CDH4: variants seen among roughly 807,000 people sequenced by gnomAD.
The protein encoded by CDH4 is cadherin-4.
In CDH4, 33 loss-of-function variants were observed where a neutral mutation model predicts 86.0. The ratio of observed to expected loss-of-function variants is 0.38; its 90% confidence interval spans 0.29 to 0.51. The LOEUF (loss-of-function observed/expected upper bound fraction) is 0.51, where lower values mean the gene tolerates loss of function less well. Ranked by LOEUF, CDH4 falls within the 20% of genes least tolerant of loss-of-function variation. CDH4 has a pLI of 0.86. For missense variants in CDH4, 1,114 were observed against 1,307.4 expected (o/e 0.85, Z 2.28); for synonymous variants, 555 against 549.4 (o/e 1.01, Z -0.14).
chr20:61,447,624 C>CTTTTTTTTTTTTTTTTT (rs11204461), intron 2 of CDH4, among the ~76,000 whole-genome samples: 1 of 102,034 alleles, frequency 9.8e-6, no homozygotes. Context: ...ATTCTACTTC[C>CTTTTTTTTTTTTTTTTT]TTTTTTTTTT....
At chr20:61,565,149 G>T (rs2086261861) in intron 2 of CDH4, among the ~76,000 whole-genome samples, 3 of 125,722 alleles carry the variant, frequency 2.4e-5, no homozygotes, top group Non-Finnish European at 4.9e-5. Flanking sequence ...CTTGGTGTTG[G>T]TAGTGGTCCT....
chr20:61,586,316 A>G (rs1378177044), intron 2 of CDH4, among the ~76,000 whole-genome samples: 2 of 152,194 alleles, frequency 1.3e-5, no homozygotes, highest in South Asian at 2.1e-4. Context: ...AACAGTGACA[A>G]CTGCACCTAA....
chr20:61,752,509 A>G (rs963299519), intron 3 of CDH4, among the ~76,000 whole-genome samples: 8 of 152,180 alleles, frequency 5.3e-5, no homozygotes, highest in Non-Finnish European at 1.0e-4. Flanking sequence ...AAATATACAT[A>G]TGCCTCGTTT....
At chr20:61,748,412 A>G (rs889135688) in intron 3 of CDH4, among the ~76,000 whole-genome samples, 1 of 152,206 alleles carries the variant, frequency 6.6e-6, no homozygotes, top group East Asian at 1.9e-4. Context: ...TAAAAGTGCT[A>G]AAAGAAAATA....
At chr20:61,718,931 G>T (rs1371372342) in intron 2 of CDH4, 2 of 470,998 alleles carry the variant, frequency 4.2e-6, no homozygotes, top group South Asian at 1.5e-5. Context: ...CAGGGTGTTG[G>T]TTAGTGGGTG....
chr20:61,541,251 G>A (rs1304045988), intron 2 of CDH4, among the ~76,000 whole-genome samples: 3 of 152,154 alleles, frequency 2.0e-5, no homozygotes, highest in African/African-American at 7.2e-5. Flanking sequence ...CACTGTGCAC[G>A]TGCATTAACG....
chr20:61,687,805 A>G (rs16985448), intron 2 of CDH4, among the ~76,000 whole-genome samples: 28,047 of 152,124 alleles, frequency 0.18, 3,097 homozygotes, highest in East Asian at 0.4. Context: ...GCGGACTACA[A>G]TTACAATGTG....
In CDH4 at chr20:61,500,123, G is replaced by A. The variant is rs543759876; in HGVS notation, c.170-243440G>A. On this transcript the variant is annotated intron_variant, in intron 2 of 15. Transcript: ENST00000614565. ...TCAGCCAGGAGGAGGAGGCCCAGCCGAATGGAGCAGGGCGTCCCCTGGCCT... is the reference window on the plus strand; with the variant it reads ...TCAGCCAGGAGGAGGAGGCCCAGCCAAATGGAGCAGGGCGTCCCCTGGCCT... Among the ~76,000 whole-genome samples, 7 of 152,354 alleles carry A rather than the reference G, an allele frequency of 4.6e-5. No individual in the cohort carries two copies. The South Asian group carries it at 6.2e-4, about 14-fold the overall frequency.
intron 2 of CDH4, among the ~76,000 whole-genome samples, chr20:61,742,307 A>T (rs1323445304): frequency 6.6e-6 from 1 of 152,174 alleles, no homozygotes; most frequent in Non-Finnish European, 1.5e-5. Flanking sequence ...CATCACATTT[A>T]AAAACATTTT....
intron 4 of CDH4, among the ~76,000 whole-genome samples, chr20:61,803,868 C>T (rs933806839): frequency 2.6e-5 from 4 of 152,252 alleles, no homozygotes; most frequent in South Asian, 2.1e-4. Flanking sequence ...ACAGGAGAAA[C>T]GAGAACAGGC....
intron 2 of CDH4, among the ~76,000 whole-genome samples, chr20:61,638,469 G>A (rs2086971726): frequency 6.6e-6 from 1 of 152,152 alleles, no homozygotes; most frequent in African/African-American, 2.4e-5. Flanking sequence ...CAGAAGAGCA[G>A]GAAGTGTTTT....
At chr20:61,826,201 T>G (rs1034613545) in intron 4 of CDH4, among the ~76,000 whole-genome samples, 3 of 152,210 alleles carry the variant, frequency 2.0e-5, no homozygotes, top group African/African-American at 7.2e-5. Flanking sequence ...AGAGTCCCTG[T>G]GAGGTCTCCC....
intron 2 of CDH4, among the ~76,000 whole-genome samples, chr20:61,345,497 G>A (rs954953895): frequency 2.6e-5 from 4 of 152,242 alleles, no homozygotes; most frequent in African/African-American, 9.6e-5. Context: ...AAAGAAGTCC[G>A]TGAGGACAAG....
intron 2 of CDH4, among the ~76,000 whole-genome samples, chr20:61,267,747 C>T (rs1461857796): frequency 6.6e-6 from 1 of 152,098 alleles, no homozygotes; most frequent in Non-Finnish European, 1.5e-5. Context: ...AGGCACACTC[C>T]CTCTGCTGAT....
At chr20:61,908,049 G>A (rs988391850) in intron 8 of CDH4, among the ~76,000 whole-genome samples, 6 of 152,190 alleles carry the variant, frequency 3.9e-5, no homozygotes, top group East Asian at 1.9e-4. Flanking sequence ...GAGCTGGGCC[G>A]GGCTGCGGGG....
intron 2 of CDH4, among the ~76,000 whole-genome samples, chr20:61,735,208 G>T (rs1246364701): frequency 6.6e-6 from 1 of 152,174 alleles, no homozygotes; most frequent in Non-Finnish European, 1.5e-5. Context: ...GGCCCCGTGG[G>T]CACAGAGCTC....
intron 2 of CDH4, among the ~76,000 whole-genome samples, chr20:61,524,301 G>A (rs1453113340): frequency 6.6e-6 from 1 of 152,098 alleles, no homozygotes; most frequent in East Asian, 1.9e-4. Flanking sequence ...GTGAAAACCC[G>A]GGGAAAGCTG....
At chr20:61,597,547 G>A (rs1043683371) in intron 2 of CDH4, among the ~76,000 whole-genome samples, 11 of 152,212 alleles carry the variant, frequency 7.2e-5, no homozygotes, top group East Asian at 1.9e-4. Context: ...GCATCAGGGC[G>A]AACAGAGGGG....
intron 2 of CDH4, among the ~76,000 whole-genome samples, chr20:61,558,695 C>T (rs766703239): frequency 1.3e-5 from 2 of 152,230 alleles, no homozygotes; most frequent in African/African-American, 2.4e-5. Context: ...AGGAGAGCTG[C>T]GAATAGCATC....
Sources: allele counts gnomAD v4.1 joint callset (sites outside exome capture counted in the v4.1 genomes callset), GRCh38; gene constraint gnomAD v4.1.1; transcripts MANE v1.5; gene names NCBI Gene and HGNC (gene_info 2026-07-23, HGNC 2026-07-21).